Variants in VAV3 observed in about 807,000 individuals in gnomAD.
The protein encoded by VAV3 is guanine nucleotide exchange factor VAV3.
In VAV3, 94 loss-of-function variants were observed where a neutral mutation model predicts 131.2. The ratio of observed to expected loss-of-function variants is 0.72; its 90% CI spans 0.61 to 0.85. The LOEUF (loss-of-function observed/expected upper bound fraction) is 0.85, where lower values mean the gene tolerates loss of function less well. Among genes scored for constraint, VAV3 ranks in the 40% least tolerant of loss-of-function variants. The pLI, the probability that VAV3 is intolerant of heterozygous loss-of-function variation, is 0.00. For missense variants in VAV3, 939 were observed against 1,002.7 expected, an observed-to-expected ratio of 0.94 and a Z score of 0.86; for synonymous variants, 349 against 342.0, an observed-to-expected ratio of 1.02 and a Z score of -0.22.
chr1:107,678,522 T>C (rs1293173256), intron 19 of VAV3, among the ~76,000 whole-genome samples: 1 of 152,186 alleles, frequency 6.6e-6, no homozygotes, highest in African/African-American at 2.4e-5. Flanking sequence ...CACTCTGTTG[T>C]TATTTTTCTC....
At chr1:107,640,079 A>G (rs1164804099) in intron 20 of VAV3, among the ~76,000 whole-genome samples, 1 of 152,214 alleles carries the variant, frequency 6.6e-6, no homozygotes, top group Non-Finnish European at 1.5e-5. Context: ...ACTTAAATGT[A>G]TATCTACATA....
chr1:107,715,695 G>A (rs1270362951), intron 15 of VAV3, among the ~76,000 whole-genome samples: 6 of 152,072 alleles, frequency 3.9e-5, no homozygotes, highest in Admixed American at 6.6e-5. Context: ...ATCACTGAAC[G>A]GGGGTGGGGA....
At chr1:107,834,252 T>C in intron 2 of VAV3, among the ~76,000 whole-genome samples, 1 of 152,128 alleles carries the variant, frequency 6.6e-6, no homozygotes, top group African/African-American at 2.4e-5. Flanking sequence ...CGTAAATTAT[T>C]CCAAAACCAC....
At chr1:107,809,030 G>A (rs1667196756) in intron 2 of VAV3, among the ~76,000 whole-genome samples, 1 of 152,118 alleles carries the variant, frequency 6.6e-6, no homozygotes, top group African/African-American at 2.4e-5. Context: ...TCACAAGGCT[G>A]AGCGCAACCT....
At chr1:107,704,483 C>A in intron 17 of VAV3, 67 bp downstream of exon 17, 1 of 1,279,622 alleles carries the variant, frequency 7.8e-7, no homozygotes, top group Non-Finnish European at 1.1e-6. Context: ...TAAATTAGGC[C>A]TTAATTATGT....
chr1:107,883,806 G>C (rs1670898961), intron 1 of VAV3, among the ~76,000 whole-genome samples: 1 of 152,140 alleles, frequency 6.6e-6, no homozygotes, highest in African/African-American at 2.4e-5. Flanking sequence ...ATAAGAGGAA[G>C]CACTGCACCC....
intron 18 of VAV3, among the ~76,000 whole-genome samples, chr1:107,685,283 CACAA>C (rs1272948818): frequency 7.9e-5 from 12 of 152,118 alleles, no homozygotes; most frequent in Admixed American, 6.5e-4. Context: ...TCAGTTTGAA[CACAA>C]ACAGTTAAAT....
chr1:107,813,505 T>C (rs1199309600), intron 2 of VAV3, among the ~76,000 whole-genome samples: 2 of 152,214 alleles, frequency 1.3e-5, no homozygotes, highest in Admixed American at 6.5e-5. Flanking sequence ...ATTTTTACAT[T>C]TTTATGTATG....
At chr1:107,760,633 T>C (rs1664358223) in intron 10 of VAV3, 151 bp downstream of exon 10, 1 of 533,038 alleles carries the variant, frequency 1.9e-6, no homozygotes, top group East Asian at 3.0e-5. Flanking sequence ...TGTCCAGCTG[T>C]TCTGTTATTT....
chr1:107,608,142 G>A (rs1320107942), intron 22 of VAV3, among the ~76,000 whole-genome samples: 1 of 138,382 alleles, frequency 7.2e-6, no homozygotes, highest in African/African-American at 2.6e-5. Flanking sequence ...GCTTTTATAA[G>A]AATAATATTA....
At chr1:107,609,884 A>G in intron 22 of VAV3, 47 bp downstream of exon 22, 1 of 1,579,516 alleles carries the variant, frequency 6.3e-7, no homozygotes, top group Non-Finnish European at 8.7e-7. Context: ...CCTGGAGCTA[A>G]GGGTATGGTA....
At position 107,826,435 on chromosome 1, in the gene VAV3, T is replaced by C. The variant is rs961618391; in HGVS notation, c.322-46943A>G. ...AACCCTTCCAAGTTGAGCTTTATAT[T>C]TGTAAACAGCGATAATAAGAATATG... On this transcript the variant is annotated intron_variant, in intron 2 of 26. Coordinates refer to ENST00000370056, the MANE Select transcript of VAV3 (RefSeq NM_006113.5). Among the ~76,000 whole-genome samples the C allele has an allele frequency of 4.6e-5, 7 of 152,206 alleles. No homozygotes were observed. In the East Asian group the frequency reaches 1.3e-3, roughly 29 times the overall value.
chr1:107,789,593 T>C (rs1666188110), intron 2 of VAV3, among the ~76,000 whole-genome samples: 1 of 152,202 alleles, frequency 6.6e-6, no homozygotes, highest in Non-Finnish European at 1.5e-5. Context: ...AAGTGTTCAT[T>C]TTCATATGTG....
intron 22 of VAV3, among the ~76,000 whole-genome samples, chr1:107,608,694 C>A (rs1326363035): frequency 2.0e-5 from 3 of 152,070 alleles, no homozygotes; most frequent in Admixed American, 6.6e-5. Flanking sequence ...GAGGAGAGTC[C>A]CATACATTGC....
At chr1:107,659,659 T>A (rs1176140133) in intron 19 of VAV3, among the ~76,000 whole-genome samples, 1 of 152,192 alleles carries the variant, frequency 6.6e-6, no homozygotes, top group African/African-American at 2.4e-5. Context: ...TTAGTCATAT[T>A]TTTTAGGAAA....
At chr1:107,657,435 T>C (rs1367446260) in intron 19 of VAV3, among the ~76,000 whole-genome samples, 1 of 152,236 alleles carries the variant, frequency 6.6e-6, no homozygotes, top group Non-Finnish European at 1.5e-5. Flanking sequence ...GCCTATGTTC[T>C]CTTAATTTTC....
chr1:107,884,494 G>A (rs1670940375), intron 1 of VAV3, among the ~76,000 whole-genome samples: 1 of 150,838 alleles, frequency 6.6e-6, no homozygotes, highest in Non-Finnish European at 1.5e-5. Context: ...AGGCTGGAGT[G>A]CAGTGGTGCA....
chr1:107,698,240 A>T (rs564012126), intron 17 of VAV3, among the ~76,000 whole-genome samples: 39 of 152,334 alleles, frequency 2.6e-4, no homozygotes, highest in African/African-American at 9.1e-4. Context: ...AGTCACATGC[A>T]TTCCGTAGAA....
chr1:107,947,221 A>T (rs1674312756), intron 1 of VAV3, among the ~76,000 whole-genome samples: 1 of 152,258 alleles, frequency 6.6e-6, no homozygotes, highest in Admixed American at 6.5e-5. Context: ...TGTTACACAT[A>T]TGAAATTGCC....
Sources: gnomAD v4.1 joint callset for allele counts (sites outside exome capture counted in the v4.1 genomes callset) on GRCh38, gnomAD v4.1.1 for gene constraint, MANE v1.5 for transcripts, NCBI Gene and HGNC (gene_info 2026-07-23, HGNC 2026-07-21) for gene names.